Variants in TRHDE observed in about 807,000 individuals in gnomAD.
The protein encoded by TRHDE is thyrotropin releasing hormone degrading enzyme.
Under a neutral mutation model 125.7 loss-of-function variants are expected in TRHDE, and 72 were observed. The observed-to-expected ratio is 0.57, with a 90% CI of 0.47 to 0.70. The LOEUF (loss-of-function observed/expected upper bound fraction) is 0.70, where lower values mean the gene tolerates loss of function less well. Among genes scored for constraint, TRHDE ranks in the 30% least tolerant of loss-of-function variants. The probability of loss-of-function intolerance (pLI) is 0.00; values close to 1 mark genes in which losing one functional copy is unlikely to be tolerated. For synonymous variants in TRHDE, 509 were observed against 509.1 expected (o/e 1.00, Z 0.00); for missense variants, 1,110 against 1,327.1 (o/e 0.84, Z 2.54).
intron 2 of TRHDE, among the ~76,000 whole-genome samples, chr12:72,246,428 A>G (rs952201755): frequency 2.6e-5 from 4 of 152,114 alleles, no homozygotes; most frequent in African/African-American, 4.8e-5. Flanking sequence ...TCTGTTCAGT[A>G]TTATTTGGAT....
chr12:72,645,172 C>T (rs996912174), intron 15 of TRHDE, among the ~76,000 whole-genome samples: 2 of 152,036 alleles, frequency 1.3e-5, no homozygotes, highest in Non-Finnish European at 1.5e-5. Context: ...ATATGATTTA[C>T]CTGACAGATA....
At chr12:72,450,458 T>A (rs1482046905) in intron 3 of TRHDE, among the ~76,000 whole-genome samples, 1 of 152,098 alleles carries the variant, frequency 6.6e-6, no homozygotes, top group Non-Finnish European at 1.5e-5. Flanking sequence ...TACAACATGA[T>A]GTTTTGAAAT....
intron 3 of TRHDE, among the ~76,000 whole-genome samples, chr12:72,463,161 C>T (rs1204990399): frequency 6.6e-6 from 1 of 152,188 alleles, no homozygotes; most frequent in African/African-American, 2.4e-5. Context: ...ACTAGGGGCT[C>T]AGCAGCAGGT....
intron 2 of TRHDE, among the ~76,000 whole-genome samples, chr12:72,326,229 C>A (rs536205027): frequency 6.6e-6 from 1 of 152,230 alleles, no homozygotes; most frequent in East Asian, 1.9e-4. Flanking sequence ...ACTCACTAGA[C>A]CACGTAACTT....
At chr12:72,350,120 G>A (rs949240086) in intron 2 of TRHDE, among the ~76,000 whole-genome samples, 3 of 151,836 alleles carry the variant, frequency 2.0e-5, no homozygotes, top group Non-Finnish European at 1.5e-5. Context: ...ACATATGCTA[G>A]CATCACTTTT....
At position 72,663,363 on chromosome 12, in the gene TRHDE, T is replaced by C. The variant is rs533777573; in HGVS notation, c.*168T>C. ...TTTTTTGGTTTTGGGGGATATTTTT[T>C]ATTTGTTTCATTCATTCTGTTCTGT... On this transcript the variant is annotated 3_prime_UTR_variant, in exon 19 of 19. Coordinates refer to ENST00000261180, the MANE Select transcript of TRHDE (RefSeq NM_013381.3). 3.5e-4 allele frequency: 180 copies of C among 507,264 alleles called. No individual in the cohort carries two copies. Among genetic ancestry groups the C allele is most frequent in the Middle Eastern group, 1.0e-3 (2 of 1,916 alleles). The allele number at this position is 507,264 out of a possible 1,614,324, so 31.4% of individuals were successfully genotyped here.
At position 72,204,489 on chromosome 12, in the gene TRHDE, T is replaced by G. The variant is rs561675960; in HGVS notation, n.279+98737T>G. ...AAATCATAAATTAAGCAATCACTTTTTGTTTGATGCCTCCCTGTGTTTTTC... is the reference window on the plus strand; with the variant it reads ...AAATCATAAATTAAGCAATCACTTTGTGTTTGATGCCTCCCTGTGTTTTTC... On this transcript the variant is annotated intron_variant and non_coding_transcript_variant, in intron 2 of 4. Coordinates refer to the TRHDE transcript ENST00000548156. Among the ~76,000 whole-genome samples, 11 of 152,304 alleles carry G rather than the reference T, an allele frequency of 7.2e-5. No individual in the cohort carries two copies. The East Asian group carries it at 1.9e-3, about 27-fold the overall frequency.
At chr12:72,420,484 G>A (rs778822028) in intron 3 of TRHDE, among the ~76,000 whole-genome samples, 5 of 152,112 alleles carry the variant, frequency 3.3e-5, no homozygotes, top group Non-Finnish European at 4.4e-5. Context: ...TTCAATGGGT[G>A]TGGATCGTAA....
chr12:72,298,239 T>C (rs1440118456), intron 2 of TRHDE, among the ~76,000 whole-genome samples: 2 of 152,164 alleles, frequency 1.3e-5, no homozygotes, highest in Non-Finnish European at 2.9e-5. Context: ...ATAATGTGTG[T>C]GATAGATTGC....
intron 2 of TRHDE, among the ~76,000 whole-genome samples, chr12:72,326,916 C>A (rs57530719): frequency 6.6e-6 from 1 of 152,200 alleles, no homozygotes; most frequent in Non-Finnish European, 1.5e-5. Flanking sequence ...GACTCTTATT[C>A]GGGAACTGCT....
chr12:72,378,802 C>T (rs556013355), intron 3 of TRHDE, among the ~76,000 whole-genome samples: 1 of 152,228 alleles, frequency 6.6e-6, no homozygotes, highest in African/African-American at 2.4e-5. Context: ...AGAGAATGCA[C>T]TTGGTAATTG....
At chr12:72,344,335 G>A (rs190906834) in intron 2 of TRHDE, among the ~76,000 whole-genome samples, 1 of 152,238 alleles carries the variant, frequency 6.6e-6, no homozygotes, top group African/African-American at 2.4e-5. Flanking sequence ...TGCCTAGCAA[G>A]TACGTGCTTA....
chr12:72,485,303 T>C (rs2135918609), intron 5 of TRHDE, among the ~76,000 whole-genome samples: 1 of 152,194 alleles, frequency 6.6e-6, no homozygotes, highest in Non-Finnish European at 1.5e-5. Flanking sequence ...ATTGTACCCT[T>C]CCATCCCTGA....
At chr12:72,504,860 G>T (rs888142699) in intron 6 of TRHDE, among the ~76,000 whole-genome samples, 1 of 152,104 alleles carries the variant, frequency 6.6e-6, no homozygotes, top group African/African-American at 2.4e-5. Context: ...AAAGATCTCT[G>T]TTACTAGTCA....
chr12:72,475,816 T>A (rs1311897783), intron 5 of TRHDE, among the ~76,000 whole-genome samples: 1 of 152,166 alleles, frequency 6.6e-6, no homozygotes, highest in Non-Finnish European at 1.5e-5. Context: ...AGAAAACTCA[T>A]CCTATTAAAG....
intron 1 of TRHDE, among the ~76,000 whole-genome samples, chr12:72,102,067 A>G (rs1024034047): frequency 6.6e-6 from 1 of 152,242 alleles, no homozygotes; most frequent in Non-Finnish European, 1.5e-5. Flanking sequence ...AACACAGGGA[A>G]TCTTTAGAAA....
At chr12:72,174,869 T>C (rs73135438) in intron 2 of TRHDE, among the ~76,000 whole-genome samples, 1 of 152,370 alleles carries the variant, frequency 6.6e-6, no homozygotes, top group Non-Finnish European at 1.5e-5. Flanking sequence ...TTCCTTTTGC[T>C]ATTACTAAAT....
intron 7 of TRHDE, among the ~76,000 whole-genome samples, chr12:72,561,013 T>G (rs1167520969): frequency 6.6e-6 from 1 of 152,202 alleles, no homozygotes. Flanking sequence ...CAAATTAGGA[T>G]TCAGAATGGT....
At chr12:72,528,778 A>G (rs760816519) in intron 6 of TRHDE, among the ~76,000 whole-genome samples, 3 of 152,048 alleles carry the variant, frequency 2.0e-5, no homozygotes, top group Non-Finnish European at 4.4e-5. Flanking sequence ...GAGCCACTGC[A>G]CAGGCCCTTC....
Sources: allele counts gnomAD v4.1 joint callset (sites outside exome capture counted in the v4.1 genomes callset), GRCh38; gene constraint gnomAD v4.1.1; transcripts MANE v1.5; gene names NCBI Gene and HGNC (gene_info 2026-07-23, HGNC 2026-07-21).